Variants in VPS28 observed in about 807,000 individuals in gnomAD.
The protein encoded by VPS28 is VPS28 subunit of ESCRT-I.
VPS28 carries 29 observed loss-of-function variants against 33.7 expected under a neutral mutation model. That is an observed-to-expected ratio of 0.86 (90% confidence interval 0.64 to 1.17). The LOEUF (loss-of-function observed/expected upper bound fraction) is 1.17. Ranked by LOEUF, VPS28 falls within the 50% of genes most tolerant of loss-of-function variation. VPS28 has a pLI of 0.00. For missense variants in VPS28, 247 were observed against 312.2 expected (o/e 0.79, Z 1.57); for synonymous variants, 164 against 116.7 (o/e 1.40, Z -2.61).
chr8:144,427,097 T>C (rs1205081328), intron 1 of VPS28, 118 bp from the exon 2 acceptor site: 30 of 651,498 alleles, frequency 4.6e-5, no homozygotes, highest in Non-Finnish European at 6.8e-5. Flanking sequence ...GTCAGGAGTT[T>C]GAGACCAGCC....
chr8:144,427,119 G>A, intron 1 of VPS28, 140 bp from the exon 2 acceptor site: 2 of 525,930 alleles, frequency 3.8e-6, no homozygotes, highest in Non-Finnish European at 6.7e-6. Flanking sequence ...GGCCAACATG[G>A]TGAAACCCTG....
Sources: gnomAD v4.1 joint callset for allele counts on GRCh38, gnomAD v4.1.1 for gene constraint, MANE v1.5 for transcripts, NCBI Gene and HGNC (gene_info 2026-07-23, HGNC 2026-07-21) for gene names.